PLXDC2: variants seen among roughly 807,000 people sequenced by gnomAD.
The protein encoded by PLXDC2 is plexin domain containing 2.
A neutral mutation model predicts 68.9 loss-of-function variants in PLXDC2; 40 were observed. The ratio of observed to expected loss-of-function variants is 0.58; its 90% CI spans 0.45 to 0.76. PLXDC2 has a LOEUF of 0.76. PLXDC2 is among the 30% of genes least tolerant of loss of function. The probability of loss-of-function intolerance (pLI) is 0.00; values close to 1 mark genes in which losing one functional copy is unlikely to be tolerated. For synonymous variants in PLXDC2, 243 were observed against 234.2 expected, an observed-to-expected ratio of 1.04 and a Z score of -0.34; for missense variants, 644 against 661.9, an observed-to-expected ratio of 0.97 and a Z score of 0.30.
intron 1 of PLXDC2, among the ~76,000 whole-genome samples, chr10:19,979,661 C>T (rs557684155): frequency 2.0e-5 from 3 of 152,144 alleles, no homozygotes; most frequent in East Asian, 1.9e-4. Flanking sequence ...CGTGAGCTCC[C>T]GCACCTTTTT....
chr10:20,126,396 CATATATGTATATACAACACACGTT>C lies in PLXDC2; in HGVS notation c.542-16837_542-16814del, dbSNP rs1564324981. Among the ~76,000 whole-genome samples the C allele has an allele frequency of 2.9e-5, 4 of 137,084 alleles. 1 individual carries two copies. The highest frequency in any genetic ancestry group is 6.0e-5 in the African/African-American group (2 of 33,542). 89.9% of individuals were successfully genotyped at this position (137,084 alleles called of 152,430 possible). On this transcript the variant is annotated intron_variant, in intron 4 of 13. Transcript: ENST00000377252. ...ATATATACATATGTGTTATATAATA[CATATATGTATATACAACACACGTT>C]ATATATGTATATACAACACACGTTA...
chr10:19,990,513 A>AAT (rs5783713), intron 1 of PLXDC2, among the ~76,000 whole-genome samples: 2 of 151,546 alleles, frequency 1.3e-5, no homozygotes, highest in Admixed American at 1.3e-4. Context: ...CTGGATTCTA[A>AAT]GTGTTAGAGC....
chr10:19,993,016 C>T (rs979659359), intron 1 of PLXDC2, among the ~76,000 whole-genome samples: 5 of 152,252 alleles, frequency 3.3e-5, no homozygotes, highest in South Asian at 2.1e-4. Context: ...GCTGCCTCCC[C>T]GAACCATCAC....
intron 9 of PLXDC2, among the ~76,000 whole-genome samples, chr10:20,207,458 G>A: frequency 6.6e-6 from 1 of 152,070 alleles, no homozygotes; most frequent in Non-Finnish European, 1.5e-5. Context: ...CATTGGCTTT[G>A]GATACATTTG....
intron 9 of PLXDC2, among the ~76,000 whole-genome samples, chr10:20,179,683 C>T (rs1834575572): frequency 6.6e-6 from 1 of 152,072 alleles, no homozygotes; most frequent in African/African-American, 2.4e-5. Context: ...AACTTCCAAA[C>T]AAGCAATTTT....
At chr10:20,132,951 T>C (rs1292762100) in intron 4 of PLXDC2, among the ~76,000 whole-genome samples, 1 of 152,158 alleles carries the variant, frequency 6.6e-6, no homozygotes, top group Non-Finnish European at 1.5e-5. Flanking sequence ...TAATTTTTTG[T>C]CGTGATTTGC....
At chr10:19,937,373 T>C (rs1469969920) in intron 1 of PLXDC2, among the ~76,000 whole-genome samples, 2 of 151,858 alleles carry the variant, frequency 1.3e-5, no homozygotes, top group African/African-American at 4.8e-5. Flanking sequence ...CTGGGTCACC[T>C]GTACTCAATT....
intron 1 of PLXDC2, among the ~76,000 whole-genome samples, chr10:19,968,553 T>TA (rs1397072892): frequency 6.6e-6 from 1 of 152,126 alleles, no homozygotes; most frequent in East Asian, 1.9e-4. Context: ...ACTCAAGTGA[T>TA]ACACCTGCCT....
intron 1 of PLXDC2, among the ~76,000 whole-genome samples, chr10:19,994,913 T>G (rs1479803370): frequency 2.0e-5 from 3 of 152,024 alleles, no homozygotes; most frequent in Non-Finnish European, 4.4e-5. Flanking sequence ...TGGCTAATTT[T>G]TTGTATTTTT....
intron 2 of PLXDC2, among the ~76,000 whole-genome samples, chr10:20,036,589 T>A (rs974679885): frequency 6.6e-6 from 1 of 152,188 alleles, no homozygotes; most frequent in Non-Finnish European, 1.5e-5. Context: ...GATTTTTTTT[T>A]AATTATTAGA....
At chr10:19,836,330 G>T (rs965584539) in intron 1 of PLXDC2, among the ~76,000 whole-genome samples, 1 of 152,134 alleles carries the variant, frequency 6.6e-6, no homozygotes, top group Non-Finnish European at 1.5e-5. Context: ...GTGCATAAGT[G>T]AGTTGAGAAT....
At chr10:20,050,482 C>G (rs1421729307) in intron 3 of PLXDC2, among the ~76,000 whole-genome samples, 2 of 151,990 alleles carry the variant, frequency 1.3e-5, no homozygotes, top group African/African-American at 2.4e-5. Context: ...GGTCTAATAT[C>G]CAGCATCTAT....
intron 6 of PLXDC2, among the ~76,000 whole-genome samples, chr10:20,148,427 T>A (rs1834107615): frequency 6.6e-6 from 1 of 152,182 alleles, no homozygotes; most frequent in Non-Finnish European, 1.5e-5. Context: ...TAGGAAAGAT[T>A]AATTAGAGAC....
At chr10:20,118,135 C>G (rs1833647173) in intron 4 of PLXDC2, among the ~76,000 whole-genome samples, 1 of 149,986 alleles carries the variant, frequency 6.7e-6, no homozygotes, top group Non-Finnish European at 1.5e-5. Flanking sequence ...CACACACACA[C>G]ACAGACACAC....
chr10:19,890,676 C>CTTTT (rs56921191), intron 1 of PLXDC2, among the ~76,000 whole-genome samples: 2 of 61,132 alleles, frequency 3.3e-5, no homozygotes, highest in Non-Finnish European at 5.8e-5. Context: ...CGCCCGGCTG[C>CTTTT]TTTTTTTTTT....
chr10:20,083,318 A>G (rs1836608020), intron 4 of PLXDC2, among the ~76,000 whole-genome samples: 1 of 152,080 alleles, frequency 6.6e-6, no homozygotes, highest in African/African-American at 2.4e-5. Context: ...TACTAAAAAA[A>G]TACAAAAAAT....
intron 1 of PLXDC2, among the ~76,000 whole-genome samples, chr10:19,922,212 C>T (rs1453538910): frequency 6.6e-6 from 1 of 152,202 alleles, no homozygotes; most frequent in Admixed American, 6.5e-5. Flanking sequence ...CTGATGTCCA[C>T]AGAAATGCTC....
At chr10:20,087,393 A>G (rs539935466) in intron 4 of PLXDC2, among the ~76,000 whole-genome samples, 316 of 149,734 alleles carry the variant, frequency 2.1e-3, no homozygotes, top group Admixed American at 4.3e-3. Flanking sequence ...TTGCTGAGTA[A>G]TTAAAAAAAT....
At chr10:20,156,748 C>G (rs962251204) in intron 6 of PLXDC2, among the ~76,000 whole-genome samples, 6 of 152,076 alleles carry the variant, frequency 3.9e-5, no homozygotes, top group African/African-American at 1.4e-4. Context: ...TGCTCAATAC[C>G]TGGCAGATGA....
Sources: allele counts gnomAD v4.1 joint callset (sites outside exome capture counted in the v4.1 genomes callset), GRCh38; gene constraint gnomAD v4.1.1; transcripts MANE v1.5; gene names NCBI Gene and HGNC (gene_info 2026-07-23, HGNC 2026-07-21).